The following SLC4A10 variants were observed in gnomAD, a reference collection of about 807,000 sequenced individuals.
SLC4A10 encodes sodium-driven chloride bicarbonate exchanger.
In SLC4A10, 42 loss-of-function variants were observed where a neutral mutation model predicts 137.7. The observed-to-expected ratio is 0.30, with a 90% CI of 0.24 to 0.39. The LOEUF (loss-of-function observed/expected upper bound fraction) is 0.39, where lower values mean the gene tolerates loss of function less well. Ranked by LOEUF, SLC4A10 falls within the 10% of genes least tolerant of loss-of-function variation. The pLI, the probability that SLC4A10 is intolerant of heterozygous loss-of-function variation, is 1.00. For synonymous variants in SLC4A10, 474 were observed against 464.1 expected (o/e 1.02, Z -0.27); for missense variants, 925 against 1,355.0 (o/e 0.68, Z 4.98).
chr2:161,675,002 T>A (rs1425825716), intron 1 of SLC4A10, among the ~76,000 whole-genome samples: 2 of 152,202 alleles, frequency 1.3e-5, no homozygotes, highest in Non-Finnish European at 2.9e-5. Context: ...TATAGCAGCT[T>A]AATGGGACTT....
At chr2:161,713,247 C>A (rs957670843) in intron 1 of SLC4A10, among the ~76,000 whole-genome samples, 1 of 151,622 alleles carries the variant, frequency 6.6e-6, no homozygotes, top group Non-Finnish European at 1.5e-5. Context: ...AAACTGAGAA[C>A]ATTTCTTTGC....
intron 1 of SLC4A10, among the ~76,000 whole-genome samples, chr2:161,661,639 C>T (rs1460037488): frequency 1.3e-5 from 2 of 152,124 alleles, no homozygotes; most frequent in Non-Finnish European, 2.9e-5. Flanking sequence ...TCCTAGAATG[C>T]CTGTGAAAAT....
At chr2:161,735,882 AAAG>A (rs2047289117) in intron 1 of SLC4A10, among the ~76,000 whole-genome samples, 2 of 152,192 alleles carry the variant, frequency 1.3e-5, no homozygotes, top group African/African-American at 4.8e-5. Flanking sequence ...CAAAAATATT[AAAG>A]AAGTAGTAGT....
intron 10 of SLC4A10, among the ~76,000 whole-genome samples, chr2:161,882,868 T>C (rs1224142099): frequency 1.3e-5 from 2 of 152,108 alleles, no homozygotes; most frequent in Non-Finnish European, 2.9e-5. Context: ...TCTCTACAGT[T>C]GCCTGAATGT....
At chr2:161,975,303 T>C (rs1699218405) in intron 24 of SLC4A10, among the ~76,000 whole-genome samples, 2 of 152,218 alleles carry the variant, frequency 1.3e-5, no homozygotes, top group Non-Finnish European at 1.5e-5. Flanking sequence ...TCTTGTGTGA[T>C]ACCACTCTCG....
Position 161,863,025 on chromosome 2 carries a change from C to A in SLC4A10, c.729C>A (p.Gly243=), listed in dbSNP as rs1242014655. The A allele has an allele frequency of 2.5e-6, 4 of 1,613,638 alleles. No individual in the cohort carries two copies. In the Admixed American group the frequency reaches 6.7e-5, roughly 27 times the overall value. ...IPIVRSFADI[G]KKQSEPNSMD... ...TTGTTCGTTCCTTTGCTGATATTGG[C>A]AAGAAACAGTCAGAACCAAATTCCA... is the stretch of plus-strand genomic sequence containing the variant. Residue 243 remains glycine, a synonymous_variant, in exon 6 of 27, where the codon GGC becomes GGA. Coordinates refer to ENST00000446997, the MANE Select transcript of SLC4A10 (RefSeq NM_001178015.2).
intron 1 of SLC4A10, among the ~76,000 whole-genome samples, chr2:161,697,418 C>A (rs1254997502): frequency 6.6e-6 from 1 of 152,042 alleles, no homozygotes; most frequent in Non-Finnish European, 1.5e-5. Flanking sequence ...GGGTTTTCTT[C>A]TAGGGTTTTT....
chr2:161,662,325 C>T (rs1289874058), intron 1 of SLC4A10, among the ~76,000 whole-genome samples: 4 of 152,060 alleles, frequency 2.6e-5, no homozygotes, highest in African/African-American at 9.6e-5. Flanking sequence ...CTTACAGTTT[C>T]CTTAAAATTG....
Position 161,826,505 on chromosome 2 carries a change from G to T in SLC4A10, c.278-13284G>T, listed in dbSNP as rs116570079. Among the ~76,000 whole-genome samples, 369 of 152,300 alleles carry T rather than the reference G, an allele frequency of 2.4e-3. 2 individuals are homozygous for T. The highest frequency in any genetic ancestry group is 8.5e-3 in the African/African-American group (355 of 41,564). The stretch of plus-strand genomic sequence containing the variant: ...ATTTGTAAAATATTGTCCAGAAAGT[G>T]TCTAAAAAATAGAGTGCTTTTGGAG... On this transcript the variant is annotated intron_variant, in intron 3 of 26. Coordinates refer to ENST00000446997, the MANE Select transcript of SLC4A10 (RefSeq NM_001178015.2).
intron 1 of SLC4A10, among the ~76,000 whole-genome samples, chr2:161,750,350 T>A (rs940543513): frequency 4.6e-5 from 7 of 151,812 alleles, no homozygotes; most frequent in Admixed American, 4.6e-4. Context: ...TCATTTGAGA[T>A]CTTTCTTCTT....
intron 2 of SLC4A10, among the ~76,000 whole-genome samples, chr2:161,786,720 C>T (rs1025871290): frequency 6.6e-6 from 1 of 150,574 alleles, no homozygotes; most frequent in Non-Finnish European, 1.5e-5. Context: ...AGTGTAATTG[C>T]TTTTTAGGAT....
chr2:161,810,372 G>A (rs2056422350), intron 3 of SLC4A10, among the ~76,000 whole-genome samples: 1 of 151,974 alleles, frequency 6.6e-6, no homozygotes, highest in African/African-American at 2.4e-5. Context: ...TCTCTTGCCT[G>A]ATTGCTCTGG....
intron 3 of SLC4A10, among the ~76,000 whole-genome samples, chr2:161,810,004 C>T (rs1215978760): frequency 4.6e-5 from 7 of 152,046 alleles, no homozygotes; most frequent in Non-Finnish European, 1.0e-4. Flanking sequence ...TCTTCCTATT[C>T]ATGAGTGTGG....
intron 20 of SLC4A10, 130 bp downstream of exon 20, chr2:161,957,370 C>A: frequency 9.2e-7 from 1 of 1,090,496 alleles, no homozygotes; most frequent in Non-Finnish European, 1.3e-6. Context: ...AATTTCTGAA[C>A]CATGTTTATA....
At chr2:161,677,338 C>A (rs541589925) in intron 1 of SLC4A10, among the ~76,000 whole-genome samples, 2 of 151,984 alleles carry the variant, frequency 1.3e-5, no homozygotes, top group South Asian at 4.1e-4. Flanking sequence ...AACCAGCAGC[C>A]GAATAAACCT....
intron 2 of SLC4A10, among the ~76,000 whole-genome samples, chr2:161,792,759 A>G (rs748641031): frequency 2.6e-5 from 4 of 152,292 alleles, no homozygotes; most frequent in Non-Finnish European, 4.4e-5. Context: ...ACTGAGCCAA[A>G]CACTGAGGGT....
intron 15 of SLC4A10, among the ~76,000 whole-genome samples, chr2:161,907,593 A>G (rs1280211546): frequency 6.6e-6 from 1 of 152,208 alleles, no homozygotes; most frequent in Non-Finnish European, 1.5e-5. Flanking sequence ...ACAGAATGCT[A>G]TAGCAGCACA....
At chr2:161,898,470 T>C (rs10178839) in intron 11 of SLC4A10, among the ~76,000 whole-genome samples, 2,568 of 152,266 alleles carry the variant, frequency 0.017, 77 homozygotes, top group African/African-American at 0.059. Context: ...TTAGACGGAG[T>C]GAAATGAGTT....
chr2:161,841,911 C>A (rs958029995), intron 4 of SLC4A10, among the ~76,000 whole-genome samples: 5 of 152,096 alleles, frequency 3.3e-5, no homozygotes, highest in East Asian at 3.9e-4. Flanking sequence ...TAAATATATG[C>A]CCTTTTAAAT....
Sources: gnomAD v4.1 joint callset for allele counts (sites outside exome capture counted in the v4.1 genomes callset) on GRCh38, gnomAD v4.1.1 for gene constraint, MANE v1.5 for transcripts, NCBI Gene and HGNC (gene_info 2026-07-23, HGNC 2026-07-21) for gene names.